Variants in SYNE2 observed in about 807,000 individuals in gnomAD.
The protein encoded by SYNE2 is nesprin-2.
SYNE2 carries 431 observed loss-of-function variants against 856.3 expected under a neutral mutation model. The ratio of observed to expected loss-of-function variants is 0.50; its 90% CI spans 0.47 to 0.55. The LOEUF is 0.55. Ranked by LOEUF, SYNE2 falls within the 20% of genes least tolerant of loss-of-function variation. The probability of loss-of-function intolerance (pLI) is 0.00; values close to 1 mark genes in which losing one functional copy is unlikely to be tolerated. For synonymous variants in SYNE2, 2,923 were observed against 2,872.3 expected (o/e 1.02, Z -0.56); for missense variants, 8,129 against 8,023.2 (o/e 1.01, Z -0.50).
At chr14:64,210,474 C>T (rs1328386715) in intron 103 of SYNE2, among the ~76,000 whole-genome samples, 3 of 152,216 alleles carry the variant, frequency 2.0e-5, no homozygotes, top group Non-Finnish European at 4.4e-5. Flanking sequence ...CTGGAAGGAG[C>T]CCCGCTTTGC....
rs112130962 is a variant in SYNE2, at chr14:63,882,769, A to G, written c.-51-26329A>G. Among the ~76,000 whole-genome samples, 845 of 152,246 alleles carry G rather than the reference A, an allele frequency of 5.6e-3. 5 individuals are homozygous for G. The highest frequency in any genetic ancestry group is 0.019 in the African/African-American group (780 of 41,540). On this transcript the variant is annotated intron_variant, in intron 1 of 115. Coordinates refer to ENST00000555002, the MANE Select transcript of SYNE2 (RefSeq NM_182914.3). ...ACTTGTGGAAAGGTTACTTATCTTG[A>G]TCATCCCATTTTGGTATTATATGAA...
chr14:63,897,014 G>A (rs1441799502), intron 1 of SYNE2, among the ~76,000 whole-genome samples: 1 of 152,140 alleles, frequency 6.6e-6, no homozygotes, highest in African/African-American at 2.4e-5. Context: ...CACTTTGGGA[G>A]GCCAAGGCAG....
At chr14:63,983,682 T>C (rs2096603633) in intron 17 of SYNE2, 55 bp from the exon 18 acceptor site, 11 of 1,417,658 alleles carry the variant, frequency 7.8e-6, no homozygotes, top group African/African-American at 1.4e-5. Context: ...TTGTAATGTA[T>C]ATTAGCATAA....
intron 1 of SYNE2, among the ~76,000 whole-genome samples, chr14:63,877,494 AT>A (rs2094752225): frequency 6.6e-6 from 1 of 152,082 alleles, no homozygotes; most frequent in Non-Finnish European, 1.5e-5. Context: ...ACATTCTCAT[AT>A]TTTGCCGTAG....
At chr14:64,092,050 C>T (rs1489158847) in intron 60 of SYNE2, among the ~76,000 whole-genome samples, 1 of 151,954 alleles carries the variant, frequency 6.6e-6, no homozygotes, top group African/African-American at 2.4e-5. Context: ...TTCTGTAACA[C>T]CTACAGAGAG....
At chr14:64,016,717 C>A (rs1246667507) in intron 33 of SYNE2, 86 bp downstream of exon 33, 3 of 891,766 alleles carry the variant, frequency 3.4e-6, no homozygotes, top group East Asian at 5.3e-5. Flanking sequence ...ATTCAAGATT[C>A]AAAAATACTC....
At position 63,967,798 on chromosome 14, in the gene SYNE2, C is replaced by G; in HGVS notation, c.1080C>G (p.Asp360Glu). 2.5e-6 allele frequency: 4 copies of G among 1,614,036 alleles called. No individual in the cohort carries two copies. Among genetic ancestry groups the G allele is most frequent in the Non-Finnish European group, 3.4e-6 (4 of 1,179,914 alleles). The change falls in exon 11 of 116, where the codon GAC becomes GAG. Residue 360 changes from aspartate to glutamate, a missense_variant. Asp to Glu is a conservative substitution (Grantham distance 45, BLOSUM62 2). Transcript: ENST00000555002. ...LSIKRDLDEL[D>E]KDHLQLREAW... ...TAAAACGGGATCTGGATGAGCTGGA[C>G]AAGGATCATTTACAGTTGAGAGAAG... is the stretch of plus-strand genomic sequence containing the variant.
intron 49 of SYNE2, among the ~76,000 whole-genome samples, chr14:64,061,983 G>A (rs1393983536): frequency 6.6e-6 from 1 of 152,008 alleles, no homozygotes; most frequent in East Asian, 1.9e-4. Context: ...TTATTCATGC[G>A]TTTTAAGAGT....
intron 57 of SYNE2, chr14:64,087,307 T>G (rs2097570974): frequency 2.3e-6 from 1 of 442,680 alleles, no homozygotes; most frequent in Non-Finnish European, 4.4e-6. Flanking sequence ...AAGCTGAACA[T>G]TTTCATTAGG....
intron 1 of SYNE2, among the ~76,000 whole-genome samples, chr14:63,817,249 C>T (rs77354732): frequency 0.011 from 1,659 of 152,174 alleles, 25 homozygotes; most frequent in African/African-American, 0.038. Context: ...TGCTTGAGCT[C>T]AGGAGTTTAG....
chr14:64,223,351 C>T lies in SYNE2; in HGVS notation c.20353C>T (p.Gln6785Ter). Residue 6785 changes from glutamine (Q) to a stop codon, truncating the protein, a stop_gained, in exon 113 of 116, where the codon CAA (glutamine) becomes TAA (stop). Transcript: ENST00000555002. LOFTEE classifies it high-confidence loss of function. ...KLKQLREQVS[Q>*]DLMALQGTQN... ...CAAACAGTTACGGGAGCAAGTGTCC[C>T]AAGATTTAATGGCCTTGCAGGGAAC... 1 of 1,614,012 alleles carries T rather than the reference C, an allele frequency of 6.2e-7. No homozygotes were observed. The highest frequency in any genetic ancestry group is 8.5e-7 in the Non-Finnish European group (1 of 1,179,968).
chr14:64,167,213 C>T lies in SYNE2; in HGVS notation c.16606-20C>T. Reference sequence around the variant, plus strand: ...TCTTATTGGCATCCAAAAACCTGTACTTCAATTTTTTAAAAATAGAATCAT... The same window carrying T: ...TCTTATTGGCATCCAAAAACCTGTATTTCAATTTTTTAAAAATAGAATCAT... On this transcript the variant is annotated intron_variant, in intron 90 of 115. Coordinates refer to ENST00000555002, the MANE Select transcript of SYNE2 (RefSeq NM_182914.3). 1.2e-6 allele frequency: 2 copies of T among 1,613,902 alleles called. No homozygotes were observed. Among genetic ancestry groups the T allele is most frequent in the Admixed American group, 1.7e-5 (1 of 60,024 alleles).
chr14:64,222,084 G>GA (rs1337125060), intron 112 of SYNE2, among the ~76,000 whole-genome samples: 1 of 152,168 alleles, frequency 6.6e-6, no homozygotes, highest in Admixed American at 6.5e-5. Context: ...ATCCACTATG[G>GA]AAAAATCTTT....
rs2096543428 is a variant in SYNE2 at position 63,976,469 on chromosome 14, A to G, written c.1129-94A>G. ...CACATTTATCAGACTTGGCTTCCAG[A>G]GAAACTTCAAAGAATCAAACATACT... On this transcript the variant is annotated intron_variant, in intron 11 of 115. Coordinates refer to ENST00000555002, the MANE Select transcript of SYNE2 (RefSeq NM_182914.3). The G allele has an allele frequency of 2.9e-6, 4 of 1,359,022 alleles. No homozygotes were observed. In the South Asian group the frequency reaches 5.1e-5, roughly 17 times the overall value. The allele number at this position is 1,359,022 out of a possible 1,614,324, so 84.2% of individuals were successfully genotyped here. A position where few individuals can be genotyped will look rare whatever the true frequency, so the allele number is the denominator to read the frequency against.
intron 1 of SYNE2, among the ~76,000 whole-genome samples, chr14:63,815,633 C>T (rs1457138325): frequency 6.6e-6 from 1 of 151,998 alleles, no homozygotes; most frequent in Admixed American, 6.6e-5. Context: ...AGTTGACACT[C>T]AGTATTAACC....
chr14:64,087,269 TA>T, intron 57 of SYNE2: 1 of 302,608 alleles, frequency 3.3e-6, no homozygotes, highest in South Asian at 3.4e-5. Context: ...AGTTATTTTT[TA>T]TGGAATTACC....
At chr14:64,148,181 G>A (rs1263451141) in intron 84 of SYNE2, among the ~76,000 whole-genome samples, 1 of 152,090 alleles carries the variant, frequency 6.6e-6, no homozygotes, top group Non-Finnish European at 1.5e-5. Flanking sequence ...CGGGCATGGT[G>A]GTGCATGCCT....
At chr14:63,942,349 C>T (rs143545174) in intron 6 of SYNE2, among the ~76,000 whole-genome samples, 2,026 of 152,222 alleles carry the variant, frequency 0.013, 46 homozygotes, top group African/African-American at 0.046. Context: ...GATGGAGTCT[C>T]GCTCTGTCGG....
intron 34 of SYNE2, among the ~76,000 whole-genome samples, chr14:64,019,107 C>G (rs748286741): frequency 6.6e-6 from 1 of 151,992 alleles, no homozygotes; most frequent in Non-Finnish European, 1.5e-5. Flanking sequence ...CCTGTCTATA[C>G]TAAAAATACA....
Sources: gnomAD v4.1 joint callset for allele counts (sites outside exome capture counted in the v4.1 genomes callset) on GRCh38, gnomAD v4.1.1 for gene constraint, MANE v1.5 for transcripts, NCBI Gene and HGNC (gene_info 2026-07-23, HGNC 2026-07-21) for gene names.